The following CCDC158 variants were observed in gnomAD, a reference collection of about 807,000 sequenced individuals.
CCDC158 encodes the protein coiled-coil domain-containing protein 158.
A neutral mutation model predicts 138.6 loss-of-function variants in CCDC158; 116 were observed. The observed-to-expected ratio is 0.84, with a 90% CI of 0.72 to 0.98. The LOEUF is 0.98. CCDC158 is among the 50% of genes least tolerant of loss of function. The probability of loss-of-function intolerance (pLI) is 0.00; values close to 1 mark genes in which losing one functional copy is unlikely to be tolerated. For synonymous variants in CCDC158, 436 were observed against 442.4 expected, an observed-to-expected ratio of 0.99 and a Z score of 0.18; for missense variants, 1,265 against 1,306.1, an observed-to-expected ratio of 0.97 and a Z score of 0.48.
intron 1 of CCDC158, among the ~76,000 whole-genome samples, 118 bp downstream of exon 1, chr4:76,420,847 C>T (rs1243848594): frequency 6.6e-6 from 1 of 152,196 alleles, no homozygotes; most frequent in African/African-American, 2.4e-5. Context: ...CTTCCATGTG[C>T]AGAACAAACA....
chr4:76,325,856 C>A lies in CCDC158; in HGVS notation c.3169+1G>T. ...CGTCAATGATATCAGATCTTTCTTA[C>A]CTTTAACAGAATCAGATGAATGAAT... On this transcript the variant is annotated splice_donor_variant, in intron 23 of 24. Coordinates refer to ENST00000682701, the MANE Select transcript of CCDC158 (RefSeq NM_001394954.1). LOFTEE classifies it high-confidence loss of function. 1 of 1,606,794 alleles carries A rather than the reference C, an allele frequency of 6.2e-7. No individual in the cohort carries two copies. The highest frequency in any genetic ancestry group is 8.5e-7 in the Non-Finnish European group (1 of 1,177,388).
At chr4:76,366,654 C>CACACACAT (rs1283060091) in intron 12 of CCDC158, among the ~76,000 whole-genome samples, 2 of 151,808 alleles carry the variant, frequency 1.3e-5, no homozygotes, top group African/African-American at 4.8e-5. Flanking sequence ...CACACACACA[C>CACACACAT]ACACGGCAAT....
intron 18 of CCDC158, among the ~76,000 whole-genome samples, chr4:76,348,924 C>T (rs1261899419): frequency 2.0e-5 from 3 of 152,120 alleles, no homozygotes; most frequent in Admixed American, 1.3e-4. Context: ...AAAATTTTCT[C>T]AAATTGATGA....
chr4:76,369,657 G>A (rs1051602130), intron 10 of CCDC158, 34 bp from the exon 11 acceptor site: 3 of 1,550,098 alleles, frequency 1.9e-6, no homozygotes, highest in Middle Eastern at 1.7e-4. Flanking sequence ...TTTCCTCCCT[G>A]CTATTAAATA....
At chr4:76,339,950 C>T (rs1163336214) in intron 18 of CCDC158, among the ~76,000 whole-genome samples, 3 of 152,188 alleles carry the variant, frequency 2.0e-5, no homozygotes, top group Admixed American at 2.0e-4. Flanking sequence ...AGATGGCTTT[C>T]TAAAGGTAGA....
At chr4:76,316,900 C>CAAAAAAAA (rs77150446) in intron 24 of CCDC158, among the ~76,000 whole-genome samples, 1 of 62,646 alleles carries the variant, frequency 1.6e-5, no homozygotes. Flanking sequence ...CTTTTGCAGA[C>CAAAAAAAA]AAAAAAAAAA....
intron 14 of CCDC158, 26 bp downstream of exon 14, chr4:76,357,348 A>C (rs1448397878): frequency 4.8e-6 from 7 of 1,458,948 alleles, no homozygotes; most frequent in Non-Finnish European, 6.3e-6. Context: ...AACAGAAGAA[A>C]AAATTTTAAA....
chr4:76,401,701 A>G (rs1198843987), intron 3 of CCDC158: 1 of 158,190 alleles, frequency 6.3e-6, no homozygotes, highest in Non-Finnish European at 1.4e-5. Flanking sequence ...GTGGGTAACT[A>G]GAGTAAAGGT....
intron 23 of CCDC158, 30 bp from the exon 24 acceptor site, chr4:76,323,439 A>C: frequency 6.7e-7 from 1 of 1,490,100 alleles, no homozygotes; most frequent in Non-Finnish European, 9.2e-7. Context: ...ATGTGATATT[A>C]AAAGTCTACT....
intron 18 of CCDC158, among the ~76,000 whole-genome samples, chr4:76,334,947 G>T (rs191265129): frequency 1.3e-5 from 2 of 152,282 alleles, no homozygotes; most frequent in East Asian, 3.9e-4. Context: ...AAGAGCTGAT[G>T]TTACTGGTAT....
chr4:76,333,345 T>C (rs1049531054), intron 19 of CCDC158, among the ~76,000 whole-genome samples: 2 of 152,246 alleles, frequency 1.3e-5, no homozygotes, highest in Admixed American at 1.3e-4. Flanking sequence ...CACTAAAATA[T>C]ATATACCATA....
rs963762244 is a variant in CCDC158, at chr4:76,380,570, G to A, written c.915-1166C>T. Among the ~76,000 whole-genome samples the A allele has an allele frequency of 1.3e-5, 2 of 152,188 alleles. 1 individual carries two copies. Among genetic ancestry groups the A allele is most frequent in the African/African-American group, 4.8e-5 (2 of 41,448 alleles). On this transcript the variant is annotated intron_variant, in intron 8 of 24. Transcript: ENST00000682701. ...ATACAGTCATATATATTTACAAAGA[G>A]ATGGTGTGAAATTGCAACTTCTATT... is the stretch of plus-strand genomic sequence containing the variant.
At chr4:76,388,219 T>C (rs1056994118) in intron 4 of CCDC158, among the ~76,000 whole-genome samples, 2 of 152,100 alleles carry the variant, frequency 1.3e-5, no homozygotes, top group African/African-American at 4.8e-5. Flanking sequence ...GAAGACTTTG[T>C]CTTACACCCT....
At position 76,328,018 on chromosome 4, in the gene CCDC158, T is replaced by C. The variant is rs557465577; in HGVS notation, c.3010+882A>G. On this transcript the variant is annotated intron_variant, in intron 22 of 24. Transcript: ENST00000682701. ...CTCCATGGCTATAATTTCAGTCACA[T>C]CTATTTTATTTTTCATTTTCTAAAA... 7.9e-5 allele frequency among the ~76,000 whole-genome samples: 12 copies of C among 152,282 alleles called. No homozygotes were observed. The South Asian group carries it at 1.9e-3, about 24-fold the overall frequency.
Position 76,403,274 on chromosome 4 carries a change from T to C in CCDC158, c.-67A>G. On this transcript the variant is annotated 5_prime_UTR_variant, in exon 3 of 25. Coordinates refer to ENST00000682701, the MANE Select transcript of CCDC158 (RefSeq NM_001394954.1). The stretch of plus-strand genomic sequence containing the variant: ...ATGGTTCCCTCTTTGGTTCTTTTGG[T>C]TCCTGTCTATGAAAGACAGAGATTC... 4.5e-6 allele frequency: 5 copies of C among 1,101,312 alleles called. No individual in the cohort carries two copies. The highest frequency in any genetic ancestry group is 5.3e-6 in the Non-Finnish European group (4 of 752,158). The allele number at this position is 1,101,312 out of a possible 1,614,324, so 68.2% of individuals were successfully genotyped here.
Position 76,369,557 on chromosome 4 carries a change from G to T in CCDC158, c.1216C>A (p.Arg406=). ...EKEQNKRLWD[R]DTGNSITIDH... ...ATGGTGATGCTGTTGCCTGTGTCTC[G>T]GTCCCACAGACGCTTATTCTGCTCC... The change falls in exon 11 of 25, where the codon CGA becomes AGA. Residue 406 remains arginine (R), a synonymous_variant. Coordinates refer to ENST00000682701, the MANE Select transcript of CCDC158 (RefSeq NM_001394954.1). 1.9e-6 allele frequency: 3 copies of T among 1,614,052 alleles called. No homozygotes were observed. The highest frequency in any genetic ancestry group is 2.2e-5 in the East Asian group (1 of 44,870).
chr4:76,418,528 G>GA, intron 1 of CCDC158, among the ~76,000 whole-genome samples: 1 of 152,226 alleles, frequency 6.6e-6, no homozygotes, highest in Admixed American at 6.5e-5. Context: ...AATTTATAAA[G>GA]AAAAAAGAGG....
intron 4 of CCDC158, among the ~76,000 whole-genome samples, chr4:76,391,269 C>T (rs1727286220): frequency 6.6e-6 from 1 of 151,910 alleles, no homozygotes; most frequent in African/African-American, 2.4e-5. Context: ...AGAGACTATA[C>T]ATTAGGTCAT....
At chr4:76,377,140 C>A (rs1725792317) in intron 9 of CCDC158, among the ~76,000 whole-genome samples, 1 of 152,040 alleles carries the variant, frequency 6.6e-6, no homozygotes, top group African/African-American at 2.4e-5. Flanking sequence ...CCCAATATGT[C>A]CAAATCAGCA....
Sources: allele counts gnomAD v4.1 joint callset (sites outside exome capture counted in the v4.1 genomes callset), GRCh38; gene constraint gnomAD v4.1.1; transcripts MANE v1.5; gene names NCBI Gene and HGNC (gene_info 2026-07-23, HGNC 2026-07-21).